KLHL18: variants seen among roughly 807,000 people sequenced by gnomAD.
KLHL18 encodes kelch-like protein 18.
KLHL18 carries 38 observed loss-of-function variants against 58.5 expected under a neutral mutation model. That is an observed-to-expected ratio of 0.65 (90% CI 0.50 to 0.85). KLHL18 has a LOEUF of 0.85. KLHL18 is among the 40% of genes least tolerant of loss of function. The pLI is 0.00. For missense variants in KLHL18, 624 were observed against 778.4 expected (o/e 0.80, Z 2.36); for synonymous variants, 303 against 301.9 (o/e 1.00, Z -0.04).
chr3:47,318,498 C>A (rs796190131), intron 1 of KLHL18, among the ~76,000 whole-genome samples: 1 of 152,220 alleles, frequency 6.6e-6, no homozygotes, highest in Non-Finnish European at 1.5e-5. Flanking sequence ...ATAGACCAAC[C>A]CTGACATGTT....
At chr3:47,307,471 G>A (rs1332524830) in intron 1 of KLHL18, among the ~76,000 whole-genome samples, 2 of 151,690 alleles carry the variant, frequency 1.3e-5, no homozygotes, top group African/African-American at 4.8e-5. Context: ...CTAATCTCAA[G>A]GTCAAAAAGA....
chr3:47,325,261 G>T (rs953524087), intron 3 of KLHL18, among the ~76,000 whole-genome samples: 1 of 152,002 alleles, frequency 6.6e-6, no homozygotes, highest in Non-Finnish European at 1.5e-5. Flanking sequence ...GCAGTGGCGC[G>T]ATCTTGGCTC....
At chr3:47,309,762 C>T (rs1473166950) in intron 1 of KLHL18, among the ~76,000 whole-genome samples, 1 of 152,204 alleles carries the variant, frequency 6.6e-6, no homozygotes, top group East Asian at 1.9e-4. Flanking sequence ...CCTCGGGAGG[C>T]CGAGGCTGGC....
At chr3:47,287,999 G>A (rs1348382604) in intron 1 of KLHL18, among the ~76,000 whole-genome samples, 1 of 151,978 alleles carries the variant, frequency 6.6e-6, no homozygotes, top group Non-Finnish European at 1.5e-5. Flanking sequence ...GAGATGGGCA[G>A]ATCACGAGAT....
rs1480430678 is a variant in KLHL18 at position 47,331,455 on chromosome 3, CAG to C, written c.600+1309_600+1310del. Among the ~76,000 whole-genome samples the C allele has an allele frequency of 3.7e-5, 3 of 80,906 alleles. No individual in the cohort carries two copies. The East Asian group carries it at 1.2e-3, about 33-fold the overall frequency. The allele number at this position is 80,906 out of a possible 152,430, so 53.1% of individuals were successfully genotyped here. ...TTTTTTTTTTTTTTTTTTTGTGAGA[CAG>C]AGTCTCACTCTGTCACCCAGGCTGG... is the stretch of plus-strand genomic sequence containing the variant. On this transcript the variant is annotated intron_variant, in intron 4 of 9. Coordinates refer to ENST00000232766, the MANE Select transcript of KLHL18 (RefSeq NM_025010.5).
At chr3:47,339,561 G>A (rs1704061325) in intron 7 of KLHL18, among the ~76,000 whole-genome samples, 1 of 151,676 alleles carries the variant, frequency 6.6e-6, no homozygotes, top group African/African-American at 2.4e-5. Context: ...CAGCAAACAG[G>A]AGCTGTGGCA....
At chr3:47,313,829 C>T (rs1703361608) in intron 1 of KLHL18, among the ~76,000 whole-genome samples, 1 of 152,162 alleles carries the variant, frequency 6.6e-6, no homozygotes, top group African/African-American at 2.4e-5. Flanking sequence ...CTTCTCTTCA[C>T]ATAATAGCTA....
intron 1 of KLHL18, among the ~76,000 whole-genome samples, chr3:47,292,617 G>A (rs998410542): frequency 1.3e-5 from 2 of 151,532 alleles, no homozygotes; most frequent in South Asian, 4.2e-4. Flanking sequence ...AACAAAATAT[G>A]GTATATGGCT....
intron 1 of KLHL18, among the ~76,000 whole-genome samples, chr3:47,297,068 T>C (rs753513860): frequency 1.1e-4 from 17 of 152,196 alleles, no homozygotes; most frequent in Non-Finnish European, 2.4e-4. Context: ...GCTGTTCATA[T>C]GGGACTGGAG....
At chr3:47,295,331 G>T (rs1418433839) in intron 1 of KLHL18, among the ~76,000 whole-genome samples, 1 of 152,048 alleles carries the variant, frequency 6.6e-6, no homozygotes, top group East Asian at 1.9e-4. Flanking sequence ...TGCAGATGTG[G>T]CCCCTCTCTG....
Position 47,325,271 on chromosome 3 carries a change from C to G in KLHL18, c.401+2563C>G, listed in dbSNP as rs186481967. On this transcript the variant is annotated intron_variant, in intron 3 of 9. Coordinates refer to ENST00000232766, the MANE Select transcript of KLHL18 (RefSeq NM_025010.5). ...GGAGTGCAGTGGCGCGATCTTGGCT[C>G]ACTGCAAGCTCCGCCTCCTGTGTTC... 8.7e-4 allele frequency among the ~76,000 whole-genome samples: 133 copies of G among 152,184 alleles called. 2 individuals are homozygous for G. The highest frequency in any genetic ancestry group is 3.0e-3 in the African/African-American group (125 of 41,528).
intron 1 of KLHL18, among the ~76,000 whole-genome samples, chr3:47,315,910 T>C (rs1703411059): frequency 2.6e-5 from 4 of 152,108 alleles, no homozygotes; most frequent in Non-Finnish European, 4.4e-5. Context: ...ACAAGAACTC[T>C]AGGAAATTAA....
intron 1 of KLHL18, among the ~76,000 whole-genome samples, chr3:47,292,904 CAAAAAA>C (rs35830922): frequency 2.7e-5 from 3 of 109,354 alleles, no homozygotes; most frequent in Admixed American, 9.7e-5. Context: ...GACCCTGTCT[CAAAAAA>C]AAAAAAAAAA....
intron 7 of KLHL18, among the ~76,000 whole-genome samples, chr3:47,339,160 A>G (rs138676146): frequency 9.9e-5 from 15 of 152,236 alleles, no homozygotes; most frequent in Middle Eastern, 3.4e-3. Flanking sequence ...TACAGTGATT[A>G]TGGTGCTCTT....
intron 1 of KLHL18, among the ~76,000 whole-genome samples, chr3:47,317,764 G>T (rs1333617618): frequency 2.6e-5 from 4 of 152,184 alleles, no homozygotes; most frequent in Non-Finnish European, 5.9e-5. Flanking sequence ...GATAGGGAGA[G>T]TGTAGGGGAT....
chr3:47,303,579 G>A (rs1045075915), intron 1 of KLHL18, among the ~76,000 whole-genome samples: 4 of 152,202 alleles, frequency 2.6e-5, no homozygotes, highest in Admixed American at 6.5e-5. Flanking sequence ...CATCCTTTCC[G>A]TTCAAGGCTC....
intron 6 of KLHL18, among the ~76,000 whole-genome samples, chr3:47,336,026 C>T (rs936547330): frequency 1.3e-5 from 2 of 152,200 alleles, no homozygotes; most frequent in African/African-American, 4.8e-5. Context: ...AATGATCATT[C>T]CTTGCTACTA....
intron 1 of KLHL18, among the ~76,000 whole-genome samples, chr3:47,293,663 C>G (rs1702836673): frequency 6.6e-6 from 1 of 152,172 alleles, no homozygotes; most frequent in Admixed American, 6.5e-5. Flanking sequence ...TGAGGACCAG[C>G]AAAACAAGCC....
intron 3 of KLHL18, among the ~76,000 whole-genome samples, chr3:47,325,418 C>T (rs976849554): frequency 6.6e-6 from 1 of 152,014 alleles, no homozygotes; most frequent in Admixed American, 6.5e-5. Context: ...AGGATGGTCT[C>T]GATCTCCTGA....
Sources: gnomAD v4.1 joint callset for allele counts (sites outside exome capture counted in the v4.1 genomes callset) on GRCh38, gnomAD v4.1.1 for gene constraint, MANE v1.5 for transcripts, NCBI Gene and HGNC (gene_info 2026-07-23, HGNC 2026-07-21) for gene names.